The following RDX variants were observed in gnomAD, a reference collection of about 807,000 sequenced individuals.
The protein encoded by RDX is radixin, also known as deafness, autosomal recessive 24.
A neutral mutation model predicts 83.7 loss-of-function variants in RDX; 32 were observed. The observed-to-expected ratio is 0.38, with a 90% CI of 0.29 to 0.51. RDX has a LOEUF of 0.51. Ranked by LOEUF, RDX falls within the 20% of genes least tolerant of loss-of-function variation. The pLI is 0.87. For missense variants in RDX, 600 were observed against 689.9 expected, an observed-to-expected ratio of 0.87 and a Z score of 1.46; for synonymous variants, 229 against 222.7, an observed-to-expected ratio of 1.03 and a Z score of -0.25.
chr11:110,216,584 C>T (rs1438979497), intron 14 of RDX, among the ~76,000 whole-genome samples: 1 of 149,866 alleles, frequency 6.7e-6, no homozygotes, highest in East Asian at 2.0e-4. Context: ...CACTATGTCG[C>T]CCAGACTGGT....
chr11:110,252,124 A>G (rs1000615801), intron 9 of RDX, among the ~76,000 whole-genome samples: 6 of 152,230 alleles, frequency 3.9e-5, no homozygotes, highest in Admixed American at 3.3e-4. Context: ...CTAGAATAAT[A>G]TATCTCCTAG....
intron 15 of RDX, among the ~76,000 whole-genome samples, chr11:110,194,427 CCAGGCTGGT>C (rs1473763965): frequency 6.6e-6 from 1 of 152,150 alleles, no homozygotes; most frequent in Non-Finnish European, 1.5e-5. Context: ...GCCATGTTGG[CCAGGCTGGT>C]CTGGAACTCC....
At chr11:110,272,159 A>G (rs898836027) in intron 3 of RDX, among the ~76,000 whole-genome samples, 9 of 152,200 alleles carry the variant, frequency 5.9e-5, no homozygotes, top group African/African-American at 2.2e-4. Context: ...TTTGGATAAG[A>G]GATGCTCTCA....
At chr11:110,279,553 G>C in intron 2 of RDX, 128 bp downstream of exon 2, 3 of 683,222 alleles carry the variant, frequency 4.4e-6, no homozygotes, top group Non-Finnish European at 7.9e-6. Flanking sequence ...TTAATCTAAA[G>C]AGAAATAACA....
intron 14 of RDX, among the ~76,000 whole-genome samples, chr11:110,214,243 C>T (rs1474862449): frequency 6.8e-6 from 1 of 148,002 alleles, no homozygotes; most frequent in Non-Finnish European, 1.5e-5. Context: ...TGAAAAAATG[C>T]TCATCATCAC....
intron 14 of RDX, among the ~76,000 whole-genome samples, chr11:110,211,786 C>T (rs1428805113): frequency 3.3e-5 from 5 of 151,542 alleles, no homozygotes; most frequent in Admixed American, 6.6e-5. Context: ...TTGAAACCAA[C>T]GAGAACAAAG....
At chr11:110,242,286 C>T (rs539146924) in intron 10 of RDX, among the ~76,000 whole-genome samples, 105 of 151,952 alleles carry the variant, frequency 6.9e-4, no homozygotes, top group African/African-American at 2.4e-3. Flanking sequence ...AACCTCGTTT[C>T]TAATAAAAAT....
At chr11:110,273,203 A>C (rs1480344412) in intron 2 of RDX, 2 of 374,670 alleles carry the variant, frequency 5.3e-6, no homozygotes, top group Non-Finnish European at 1.1e-5. Context: ...ACAGAGCAAG[A>C]CCCTGCCTCC....
At chr11:110,256,907 G>A (rs1194661166) in intron 7 of RDX, among the ~76,000 whole-genome samples, 1 of 152,060 alleles carries the variant, frequency 6.6e-6, no homozygotes, top group East Asian at 1.9e-4. Flanking sequence ...TTAGATATCT[G>A]TAGTAATAAA....
At chr11:110,220,778 G>A (rs933338090) in intron 14 of RDX, among the ~76,000 whole-genome samples, 3 of 151,434 alleles carry the variant, frequency 2.0e-5, no homozygotes, top group Non-Finnish European at 2.9e-5. Flanking sequence ...GATTACAGGC[G>A]TGAGCCACCA....
At chr11:110,223,213 G>A (rs771578214) in intron 14 of RDX, among the ~76,000 whole-genome samples, 17 of 151,918 alleles carry the variant, frequency 1.1e-4, no homozygotes, top group African/African-American at 1.7e-4. Flanking sequence ...TTAGCCAGGC[G>A]TGGTGGTGGG....
chr11:110,289,982 A>C (rs35174022), intron 1 of RDX, among the ~76,000 whole-genome samples: 1 of 144,496 alleles, frequency 6.9e-6, no homozygotes, highest in East Asian at 2.1e-4. Flanking sequence ...AAAAAAAAAA[A>C]CAAGGGTCCT....
intron 11 of RDX, 50 bp from the exon 12 acceptor site, chr11:110,236,241 T>C (rs371475286): frequency 3.5e-6 from 5 of 1,411,910 alleles, no homozygotes; most frequent in Non-Finnish European, 5.0e-6. Context: ...TTTTGAATAA[T>C]CTTATAAGTC....
chr11:110,254,679 T>C (rs2134356242), intron 8 of RDX, among the ~76,000 whole-genome samples: 1 of 152,204 alleles, frequency 6.6e-6, no homozygotes, highest in Non-Finnish European at 1.5e-5. Flanking sequence ...TTTCACCACG[T>C]TGGCCAGGCT....
chr11:110,265,499 AATATAT>A (rs5794684), intron 3 of RDX, among the ~76,000 whole-genome samples: 7 of 147,458 alleles, frequency 4.7e-5, no homozygotes, highest in Non-Finnish European at 1.0e-4. Flanking sequence ...GAGTCTTGAA[AATATAT>A]ATATATATAT....
At chr11:110,272,189 T>C (rs1003490378) in intron 3 of RDX, among the ~76,000 whole-genome samples, 2 of 152,194 alleles carry the variant, frequency 1.3e-5, no homozygotes, top group African/African-American at 4.8e-5. Context: ...TCCCTATGCC[T>C]TTCACTCCTG....
chr11:110,282,192 TAA>T (rs923319482), intron 1 of RDX, among the ~76,000 whole-genome samples: 2 of 152,174 alleles, frequency 1.3e-5, no homozygotes, highest in African/African-American at 4.8e-5. Context: ...CACACATATA[TAA>T]GACATGTGTG....
At chr11:110,257,338 A>T (rs181648031) in intron 7 of RDX, among the ~76,000 whole-genome samples, 107 of 152,208 alleles carry the variant, frequency 7.0e-4, no homozygotes, top group African/African-American at 2.5e-3. Context: ...GTTCAAAAAA[A>T]TCCTCTAAGA....
intron 13 of RDX, among the ~76,000 whole-genome samples, 199 bp downstream of exon 13, chr11:110,233,038 T>C (rs1279236249): frequency 1.3e-5 from 2 of 152,342 alleles, no homozygotes; most frequent in Middle Eastern, 3.4e-3. Flanking sequence ...GGTCTGATTA[T>C]ACAAAGCTAA....
Sources: allele counts gnomAD v4.1 joint callset (sites outside exome capture counted in the v4.1 genomes callset), GRCh38; gene constraint gnomAD v4.1.1; transcripts MANE v1.5; gene names NCBI Gene and HGNC (gene_info 2026-07-23, HGNC 2026-07-21).